Variants in FOCAD observed in about 807,000 individuals in gnomAD.
FOCAD encodes focadhesin, also known as KIAA1797.
FOCAD carries 198 observed loss-of-function variants against 225.6 expected under a neutral mutation model. The observed-to-expected ratio is 0.88, with a 90% CI of 0.78 to 0.99. The LOEUF is 0.99. FOCAD is among the 50% of genes least tolerant of loss of function. The pLI is 0.00. For synonymous variants in FOCAD, 897 were observed against 755.0 expected (o/e 1.19, Z -3.08); for missense variants, 2,713 against 2,123.6 (o/e 1.28, Z -5.46).
intron 1 of FOCAD, among the ~76,000 whole-genome samples, chr9:20,697,036 C>G (rs774877734): frequency 1.3e-5 from 2 of 152,162 alleles, no homozygotes; most frequent in Non-Finnish European, 2.9e-5. Flanking sequence ...GCTTCCAGAA[C>G]TGTGAGCCAA....
intron 8 of FOCAD, among the ~76,000 whole-genome samples, chr9:20,776,105 A>G (rs943929850): frequency 6.6e-6 from 1 of 152,198 alleles, no homozygotes; most frequent in African/African-American, 2.4e-5. Flanking sequence ...CAATACAGGC[A>G]TCATCAAGTA....
intron 18 of FOCAD, among the ~76,000 whole-genome samples, chr9:20,870,225 G>T (rs1444566485): frequency 6.6e-6 from 1 of 152,166 alleles, no homozygotes; most frequent in Non-Finnish European, 1.5e-5. Flanking sequence ...TTCAGGGTTG[G>T]TATAAATATG....
At position 20,664,774 on chromosome 9, in the gene FOCAD, C is replaced by T. The variant is rs543454973; in HGVS notation, c.-78+5948C>T. On this transcript the variant is annotated intron_variant, in intron 2 of 45. Coordinates refer to the FOCAD transcript ENST00000380249. Reference sequence around the variant, plus strand: ...GATTACAGGCGTGAGCCATTGTGCCCGGCCCAGGGTGATATCTTAATAATG... The same window carrying T: ...GATTACAGGCGTGAGCCATTGTGCCTGGCCCAGGGTGATATCTTAATAATG... Among the ~76,000 whole-genome samples the T allele has an allele frequency of 6.1e-4, 93 of 151,746 alleles. No individual in the cohort carries two copies. In the East Asian group the frequency reaches 9.3e-3, roughly 15 times the overall value.
intron 15 of FOCAD, among the ~76,000 whole-genome samples, chr9:20,829,599 A>G (rs182155425): frequency 1.3e-5 from 2 of 152,202 alleles, no homozygotes; most frequent in East Asian, 1.9e-4. Flanking sequence ...GCTTTTAACA[A>G]TAAAAAAATG....
rs893096564 is a variant in FOCAD at position 20,966,385 on chromosome 9, CTGT to C, written c.4133-10029_4133-10027del. Among the ~76,000 whole-genome samples, 38 of 151,872 alleles carry C rather than the reference CTGT, an allele frequency of 2.5e-4. 1 individual carries two copies. The highest frequency in any genetic ancestry group is 1.5e-3 in the Admixed American group (23 of 15,264). On this transcript the variant is annotated intron_variant, in intron 35 of 43. Coordinates refer to ENST00000338382, the MANE Select transcript of FOCAD (RefSeq NM_001375567.1). Reference sequence around the variant, plus strand: ...CCTATTTAAAAAAAAAATAAATTGCCTGTTGTTGAGTCGTAAGAGTTCTTTGTA... The same window carrying C: ...CCTATTTAAAAAAAAAATAAATTGCCTGTTGAGTCGTAAGAGTTCTTTGTA...
chr9:20,781,050 G>A (rs1365228274), intron 9 of FOCAD, among the ~76,000 whole-genome samples: 1 of 152,066 alleles, frequency 6.6e-6, no homozygotes, highest in Non-Finnish European at 1.5e-5. Flanking sequence ...GTAAATCAGG[G>A]TTAATTACAT....
rs190639629 is a variant in FOCAD at position 20,845,400 on chromosome 9, C to T, written c.1921-17178C>T. ...TTGTACTGAACATATTTAGTAGAAC[C>T]TGATTCTTCTCCTCTTGATATATTT... On this transcript the variant is annotated intron_variant, in intron 15 of 43. Coordinates refer to ENST00000338382, the MANE Select transcript of FOCAD (RefSeq NM_001375567.1). Among the ~76,000 whole-genome samples, 12 of 142,874 alleles carry T rather than the reference C, an allele frequency of 8.4e-5. No individual in the cohort carries two copies. The East Asian group carries it at 2.4e-3, about 28-fold the overall frequency. The allele number at this position is 142,874 out of a possible 152,430, so 93.7% of individuals were successfully genotyped here.
At position 20,866,961 on chromosome 9, in the gene FOCAD, C is replaced by T. The variant is rs1472912400; in HGVS notation, c.2139C>T (p.Ser713=). 2 of 1,442,252 alleles carry T rather than the reference C, an allele frequency of 1.4e-6. No individual in the cohort carries two copies. The highest frequency in any genetic ancestry group is 1.2e-5 in the South Asian group (1 of 86,694). 89.3% of individuals were successfully genotyped at this position (1,442,252 alleles called of 1,614,324 possible). The part of the protein sequence containing the change: ...DPIVANAAYR[S]LANFSAGEHT... ...TTGTAGCAAATGCTGCATATAGATCCCTGGCCAACTTTAGTGCAGGAGAAC... is the reference window on the plus strand; with the variant it reads ...TTGTAGCAAATGCTGCATATAGATCTCTGGCCAACTTTAGTGCAGGAGAAC... Residue 713 remains serine, a synonymous_variant, in exon 18 of 44, where the codon TCC becomes TCT. Transcript: ENST00000338382.
At chr9:20,791,935 G>A (rs1256260636) in intron 11 of FOCAD, among the ~76,000 whole-genome samples, 4 of 152,200 alleles carry the variant, frequency 2.6e-5, no homozygotes, top group Non-Finnish European at 4.4e-5. Flanking sequence ...ACACTGAAAT[G>A]CTGTATATGT....
In FOCAD at chr9:20,715,480, T is replaced by C. The variant is rs577025077; in HGVS notation, c.57+70T>C. 6 of 725,480 alleles carry C rather than the reference T, an allele frequency of 8.3e-6. No individual in the cohort carries two copies. In the African/African-American group the frequency reaches 9.2e-5, roughly 11 times the overall value. The allele number at this position is 725,480 out of a possible 1,614,324, so 44.9% of individuals were successfully genotyped here. ...GTTCTGTGGATTTTTAACTGAACTT[T>C]ATATATTTAATATTAAATATTTTAT... On this transcript the variant is annotated intron_variant, in intron 2 of 43. Transcript: ENST00000338382.
intron 1 of FOCAD, among the ~76,000 whole-genome samples, chr9:20,705,924 GTTTTTTTTTTTTTT>G (rs59407171): frequency 9.4e-5 from 10 of 106,916 alleles, no homozygotes; most frequent in African/African-American, 2.8e-4. Context: ...TCAGTTTTAA[GTTTTTTTTTTTTTT>G]TTTTTTTTTT....
intron 21 of FOCAD, among the ~76,000 whole-genome samples, chr9:20,905,167 G>A (rs1832855971): frequency 6.6e-6 from 1 of 151,918 alleles, no homozygotes; most frequent in African/African-American, 2.4e-5. Context: ...ATAAAACGTG[G>A]GGAGTTCAGG....
At chr9:20,662,222 A>T (rs931547662) in intron 2 of FOCAD, among the ~76,000 whole-genome samples, 1 of 151,504 alleles carries the variant, frequency 6.6e-6, no homozygotes, top group Non-Finnish European at 1.5e-5. Flanking sequence ...GTGTGTGTGT[A>T]TAATTACAAG....
intron 11 of FOCAD, among the ~76,000 whole-genome samples, chr9:20,800,022 AG>A: frequency 6.6e-6 from 1 of 152,168 alleles, no homozygotes; most frequent in East Asian, 1.9e-4. Flanking sequence ...TTCCTTTAGG[AG>A]GCCTTTTAGG....
chr9:20,855,446 A>G lies in FOCAD; in HGVS notation c.1921-7132A>G, dbSNP rs191308211. On this transcript the variant is annotated intron_variant, in intron 15 of 43. Transcript: ENST00000338382. ...TGTTTTTTAATTTTTATCATTTTCA[A>G]TATTTAAAATTAAAAAAATTTAGTT... is the stretch of plus-strand genomic sequence containing the variant. 1.3e-4 allele frequency among the ~76,000 whole-genome samples: 20 copies of G among 151,616 alleles called. 1 individual carries two copies. The highest frequency in any genetic ancestry group is 6.6e-5 in the Admixed American group (1 of 15,208).
chr9:20,828,350 G>T (rs1825127499), intron 15 of FOCAD, among the ~76,000 whole-genome samples: 1 of 151,974 alleles, frequency 6.6e-6, no homozygotes, highest in Admixed American at 6.6e-5. Flanking sequence ...TGGACATTGG[G>T]ATTGTTTCTA....
At chr9:20,824,995 G>A (rs1161608791) in intron 15 of FOCAD, among the ~76,000 whole-genome samples, 2 of 151,870 alleles carry the variant, frequency 1.3e-5, no homozygotes, top group Non-Finnish European at 2.9e-5. Context: ...GAAAATGACT[G>A]CATTACTATT....
intron 3 of FOCAD, 124 bp from the exon 4 acceptor site, chr9:20,720,256 A>G (rs1370195010): frequency 6.6e-6 from 6 of 915,476 alleles, no homozygotes; most frequent in South Asian, 3.2e-5. Flanking sequence ...TGACAACAGC[A>G]TCATCTTTAT....
intron 8 of FOCAD, among the ~76,000 whole-genome samples, chr9:20,773,491 T>G (rs1481474938): frequency 2.0e-5 from 3 of 152,132 alleles, no homozygotes; most frequent in Non-Finnish European, 2.9e-5. Context: ...AAATAGCACA[T>G]AGATCAAAAC....
Sources: allele counts gnomAD v4.1 joint callset (sites outside exome capture counted in the v4.1 genomes callset), GRCh38; gene constraint gnomAD v4.1.1; transcripts MANE v1.5; gene names NCBI Gene and HGNC (gene_info 2026-07-23, HGNC 2026-07-21).